PCDHA6: variants seen among roughly 807,000 people sequenced by gnomAD.
PCDHA6 encodes protocadherin alpha 6, also known as protocadherin alpha-6.
PCDHA6 carries 55 observed loss-of-function variants against 60.3 expected under a neutral mutation model. The ratio of observed to expected loss-of-function variants is 0.91; its 90% CI spans 0.73 to 1.14. The LOEUF (loss-of-function observed/expected upper bound fraction) is 1.14. PCDHA6 is among the 50% of genes most tolerant of loss of function. The pLI is 0.00. For synonymous variants in PCDHA6, 652 were observed against 557.9 expected, an observed-to-expected ratio of 1.17 and a Z score of -2.38; for missense variants, 1,327 against 1,256.5, an observed-to-expected ratio of 1.06 and a Z score of -0.85.
rs781967971 is a variant in PCDHA6 at position 140,875,741 on chromosome 5, T to C, written c.2394+45256T>C. 10 of 1,614,098 alleles carry C rather than the reference T, an allele frequency of 6.2e-6. No homozygotes were observed. The highest frequency in any genetic ancestry group is 8.5e-6 in the Non-Finnish European group (10 of 1,180,040). On this transcript the variant is annotated intron_variant, in intron 1 of 3. Coordinates refer to ENST00000529310, the MANE Select transcript of PCDHA6 (RefSeq NM_018909.4). ...GGCATTTTGTTTGTGAATTCTCGGA[T>C]CGACCGCGAGAAGCTGTGCGGGCGG...
chr5:140,854,159 C>CAAAA (rs59855104), intron 1 of PCDHA6: 33,814 of 339,152 alleles, frequency 0.1, 739 homozygotes, highest in Middle Eastern at 0.12. Flanking sequence ...GATTCTGTCT[C>CAAAA]AAAAAAAAAA....
At chr5:140,998,099 CAGA>C (rs2097796305) in intron 3 of PCDHA6, among the ~76,000 whole-genome samples, 1 of 152,130 alleles carries the variant, frequency 6.6e-6, no homozygotes, top group African/African-American at 2.4e-5. Context: ...CTAGAGCAAA[CAGA>C]GGAGAAAATT....
intron 1 of PCDHA6, chr5:140,848,793 G>T: frequency 6.3e-7 from 1 of 1,592,844 alleles, no homozygotes; most frequent in African/African-American, 1.3e-5. Context: ...CGGGCGGAGC[G>T]CGGAGTGCAG....
intron 1 of PCDHA6, among the ~76,000 whole-genome samples, chr5:140,890,175 A>G (rs1488442027): frequency 6.6e-6 from 1 of 152,158 alleles, no homozygotes; most frequent in Non-Finnish European, 1.5e-5. Context: ...GAAATAGGCA[A>G]ATGCTACAAA....
At chr5:140,873,957 A>C (rs993299790) in intron 1 of PCDHA6, among the ~76,000 whole-genome samples, 7 of 152,236 alleles carry the variant, frequency 4.6e-5, no homozygotes, top group Non-Finnish European at 7.3e-5. Flanking sequence ...CACTGAGCCC[A>C]GCCTATTTTT....
intron 1 of PCDHA6, among the ~76,000 whole-genome samples, chr5:140,938,665 G>A (rs542703903): frequency 7.1e-4 from 108 of 152,106 alleles, no homozygotes; most frequent in Admixed American, 1.2e-3. Context: ...ATTAGACTTA[G>A]TTTCCTAACA....
chr5:140,993,891 C>G (rs2097585722), intron 3 of PCDHA6, among the ~76,000 whole-genome samples: 1 of 152,096 alleles, frequency 6.6e-6, no homozygotes. Flanking sequence ...CTATGATGTC[C>G]ATACAACAAA....
chr5:140,978,701 G>A (rs1240672824), intron 1 of PCDHA6, among the ~76,000 whole-genome samples: 1 of 152,236 alleles, frequency 6.6e-6, no homozygotes, highest in African/African-American at 2.4e-5. Context: ...AAAGCCAAAG[G>A]TGGCCTTTAC....
chr5:140,968,553 G>T (rs782583876), intron 1 of PCDHA6: 1 of 1,614,132 alleles, frequency 6.2e-7, no homozygotes. Context: ...ATGGTGCCTC[G>T]AACTGCCCCT....
chr5:140,916,003 A>G (rs971043760), intron 1 of PCDHA6, among the ~76,000 whole-genome samples: 1 of 152,146 alleles, frequency 6.6e-6, no homozygotes, highest in Non-Finnish European at 1.5e-5. Context: ...CACTCAAACC[A>G]CAAGACAAAG....
chr5:140,941,936 T>G (rs901567070), intron 1 of PCDHA6, among the ~76,000 whole-genome samples: 7 of 152,362 alleles, frequency 4.6e-5, no homozygotes, highest in Non-Finnish European at 7.3e-5. Flanking sequence ...ATATTTGAAT[T>G]ACTTTTGTTT....
chr5:140,967,608 C>T, intron 1 of PCDHA6: 1 of 1,614,160 alleles, frequency 6.2e-7, no homozygotes, highest in Non-Finnish European at 8.5e-7. Flanking sequence ...AAGCTGAATG[C>T]CTCAGACCCG....
intron 1 of PCDHA6, among the ~76,000 whole-genome samples, chr5:140,831,419 G>A (rs1473528725): frequency 6.6e-6 from 1 of 151,618 alleles, no homozygotes; most frequent in Non-Finnish European, 1.5e-5. Flanking sequence ...GAGTACAGTG[G>A]TGCAATAATG....
At chr5:140,873,414 G>T (rs184525297) in intron 1 of PCDHA6, among the ~76,000 whole-genome samples, 57 of 152,118 alleles carry the variant, frequency 3.7e-4, no homozygotes, top group African/African-American at 1.2e-3. Flanking sequence ...TTAAAATTTT[G>T]TAAATTATTA....
intron 1 of PCDHA6, among the ~76,000 whole-genome samples, chr5:140,930,820 A>T (rs2153606213): frequency 6.6e-6 from 1 of 152,346 alleles, no homozygotes; most frequent in East Asian, 1.9e-4. Flanking sequence ...TGCTTAGTAA[A>T]TGCTGACTGA....
intron 1 of PCDHA6, among the ~76,000 whole-genome samples, chr5:140,921,582 A>G (rs1451313725): frequency 6.6e-6 from 1 of 152,200 alleles, no homozygotes; most frequent in Non-Finnish European, 1.5e-5. Context: ...AGCTCATACT[A>G]TATTATGGTT....
intron 1 of PCDHA6, chr5:140,843,316 T>G (rs1778793829): frequency 1.9e-6 from 3 of 1,595,872 alleles, no homozygotes; most frequent in South Asian, 1.1e-5. Flanking sequence ...CGGCCACGGT[T>G]CTGGTGTCGC....
chr5:140,850,326 C>A (rs2150479866), intron 1 of PCDHA6: 3 of 1,597,642 alleles, frequency 1.9e-6, no homozygotes, highest in East Asian at 2.2e-5. Flanking sequence ...TTCATACGAG[C>A]TGCAGCCAGA....
At chr5:140,883,397 C>T in intron 1 of PCDHA6, 2 of 1,614,170 alleles carry the variant, frequency 1.2e-6, no homozygotes, top group Non-Finnish European at 1.7e-6. Flanking sequence ...TGTGTCCGAT[C>T]GTGACTCTGG....
Sources: gnomAD v4.1 joint callset for allele counts (sites outside exome capture counted in the v4.1 genomes callset) on GRCh38, gnomAD v4.1.1 for gene constraint, MANE v1.5 for transcripts, NCBI Gene and HGNC (gene_info 2026-07-23, HGNC 2026-07-21) for gene names.